Variants in ADGRG4 observed in about 807,000 individuals in gnomAD.
ADGRG4 encodes the protein adhesion G protein-coupled receptor G4, also known as G protein-coupled receptor 112.
Under a neutral mutation model 126.2 loss-of-function variants are expected in ADGRG4, and 122 were observed. The ratio of observed to expected loss-of-function variants is 0.97; its 90% CI spans 0.83 to 1.12. The LOEUF (loss-of-function observed/expected upper bound fraction) is 1.12, where lower values mean the gene tolerates loss of function less well. Among genes scored for constraint, ADGRG4 ranks in the 50% most tolerant of loss-of-function variants. ADGRG4 has a pLI of 0.00. For synonymous variants in ADGRG4, 943 were observed against 838.7 expected (o/e 1.12, Z -2.15); for missense variants, 2,481 against 2,251.8 (o/e 1.10, Z -2.06).
chrX:136,306,796 T>C (rs1449213758), intron 3 of ADGRG4, among the ~76,000 whole-genome samples: 1 of 108,662 alleles, frequency 9.2e-6, no homozygotes, highest in African/African-American at 3.4e-5. Context: ...CTTACTGCAT[T>C]GTCTGTCTCC....
intron 3 of ADGRG4, among the ~76,000 whole-genome samples, chrX:136,307,006 G>C (rs946429328): frequency 8.9e-6 from 1 of 111,895 alleles, no homozygotes; most frequent in African/African-American, 3.2e-5. Flanking sequence ...GAGCCACCAT[G>C]CCCAGCCTTT....
At position 136,347,903 on chromosome X, in the gene ADGRG4, C is replaced by T; in HGVS notation, c.4197C>T (p.Asn1399=). Residue 1399 remains asparagine, a synonymous_variant, in exon 6 of 26, where the codon AAC becomes AAT. Coordinates refer to ENST00000394143, the MANE Select transcript of ADGRG4 (RefSeq NM_153834.4). ...YTPRTVEMIV[N]STYVTHSVSY... is the part of the protein sequence containing the mutation. ...CCAGGACTGTGGAAATGATAGTAAA[C>T]TCCACCTATGTGACTCACTCTGTCT... 1 of 1,210,067 alleles carries T rather than the reference C, an allele frequency of 8.3e-7. No individual in the cohort carries two copies. The highest frequency in any genetic ancestry group is 1.1e-6 in the Non-Finnish European group (1 of 893,867).
At chrX:136,301,323 T>G (rs1478410743) in intron 1 of ADGRG4, among the ~76,000 whole-genome samples, 1 of 112,558 alleles carries the variant, frequency 8.9e-6, no homozygotes, top group African/African-American at 3.2e-5. Flanking sequence ...TGATTTGCAT[T>G]TCTCTGATGG....
At chrX:136,369,963 A>C (rs756160103) in intron 13 of ADGRG4, among the ~76,000 whole-genome samples, 1 of 111,612 alleles carries the variant, frequency 9.0e-6, no homozygotes, top group African/African-American at 3.3e-5. Context: ...TTTGCAGGAA[A>C]AAAAAAGAGA....
chrX:136,411,196 T>C (rs972835932), intron 23 of ADGRG4, among the ~76,000 whole-genome samples: 1 of 111,751 alleles, frequency 8.9e-6, no homozygotes, highest in African/African-American at 3.3e-5. Flanking sequence ...ATTACAGACA[T>C]GTGCCACCAC....
intron 19 of ADGRG4, 41 bp downstream of exon 19, chrX:136,395,534 A>G (rs1039286403): frequency 6.4e-6 from 5 of 777,998 alleles, no homozygotes. Flanking sequence ...AAGTTTGACA[A>G]TTTTTATTAG....
chrX:136,370,890 G>C (rs2075188628), intron 13 of ADGRG4, among the ~76,000 whole-genome samples: 1 of 110,932 alleles, frequency 9.0e-6, no homozygotes, highest in Non-Finnish European at 1.9e-5. Flanking sequence ...GTCCATATTT[G>C]CTTTTTTTTT....
chrX:136,372,513 A>C (rs980323172), intron 14 of ADGRG4, among the ~76,000 whole-genome samples: 1 of 111,907 alleles, frequency 8.9e-6, no homozygotes, highest in African/African-American at 3.3e-5. Context: ...AAAACCACTC[A>C]GTGGCTTTCC....
In ADGRG4 at chrX:136,346,394, AT is replaced by A; in HGVS notation, c.2690del (p.Leu897TrpfsTer10). Reference protein sequence around the residue: ...FPDIEKLSTPLDNKTATTEVR... With the variant: ...FPDIEKLSTPXDNKTATTEVR... ...CTGATATAGAAAAGCTAAGTACCCC[AT>A]TGGATAATAAAACTGCAACAACTGA... On this transcript the variant is annotated frameshift_variant, in exon 6 of 26. Transcript: ENST00000394143. LOFTEE classifies it high-confidence loss of function. 1 of 1,210,473 alleles carries A rather than the reference AT, an allele frequency of 8.3e-7. No individual in the cohort carries two copies. The highest frequency in any genetic ancestry group is 1.7e-5 in the African/African-American group (1 of 57,812).
rs188159191 is a variant in ADGRG4, at chrX:136,335,904, T to C, written c.686-8488T>C. On this transcript the variant is annotated intron_variant, in intron 5 of 25. Transcript: ENST00000394143. ...TTGCTTATTTTTTTATTCTGCCTGCTTTGGATTTATCTTGGGGTTTTTTTT... is the reference window on the plus strand; with the variant it reads ...TTGCTTATTTTTTTATTCTGCCTGCCTTGGATTTATCTTGGGGTTTTTTTT... 2.2e-4 allele frequency among the ~76,000 whole-genome samples: 24 copies of C among 111,110 alleles called. No homozygotes were observed. In the East Asian group the frequency reaches 2.8e-3, roughly 13 times the overall value.
In ADGRG4 at chrX:136,359,577, T is replaced by C. The variant is rs1603296490; in HGVS notation, c.7144+122T>C. ...GGAGAGAAGTCATCTTTCTGTTTTTTTTTTCATATTCTTGGTACCCACTTG... is the reference window on the plus strand; with the variant it reads ...GGAGAGAAGTCATCTTTCTGTTTTTCTTTTCATATTCTTGGTACCCACTTG... On this transcript the variant is annotated intron_variant, in intron 11 of 25. Coordinates refer to ENST00000394143, the MANE Select transcript of ADGRG4 (RefSeq NM_153834.4). The C allele has an allele frequency of 8.9e-5, 50 of 563,196 alleles. 1 individual carries two copies. In the East Asian group the frequency reaches 1.9e-3, roughly 21 times the overall value. 46.4% of individuals were successfully genotyped at this position (563,196 alleles called of 1,213,427 possible). A position where few individuals can be genotyped will look rare whatever the true frequency, so the allele number is the denominator to read the frequency against.
chrX:136,405,635 T>C, intron 22 of ADGRG4, 57 bp from the exon 23 acceptor site: 1 of 945,735 alleles, frequency 1.1e-6, no homozygotes, highest in Non-Finnish European at 1.4e-6. Context: ...CTTCAGTCTC[T>C]GAGAAATAGG....
intron 15 of ADGRG4, among the ~76,000 whole-genome samples, chrX:136,386,803 G>T (rs1033824168): frequency 1.8e-5 from 2 of 112,226 alleles, no homozygotes; most frequent in African/African-American, 3.2e-5. Flanking sequence ...TCTCAAAAAT[G>T]TTCCAGTACT....
chrX:136,353,743 G>A (rs1003870723), intron 8 of ADGRG4, among the ~76,000 whole-genome samples: 1 of 112,098 alleles, frequency 8.9e-6, no homozygotes, highest in Admixed American at 9.5e-5. Flanking sequence ...GACAATGCAC[G>A]AGGATTTATA....
intron 13 of ADGRG4, 113 bp downstream of exon 13, chrX:136,363,708 G>A (rs1353841633): frequency 1.4e-5 from 7 of 512,234 alleles, no homozygotes; most frequent in South Asian, 3.0e-5. Context: ...TCTACCTTAC[G>A]ACAATCCAAT....
intron 15 of ADGRG4, among the ~76,000 whole-genome samples, chrX:136,375,508 T>C (rs1477414279): frequency 8.9e-6 from 1 of 112,494 alleles, no homozygotes. Context: ...ACCAGCTGTA[T>C]AAAAGTGTTT....
In ADGRG4 at chrX:136,345,131, C is replaced by T. The variant is rs2075005160; in HGVS notation, c.1425C>T (p.Ser475=). The stretch of plus-strand genomic sequence containing the variant: ...TCCCACCTGAGCCTGTGCTCATCTC[C>T]ACAGCTGCTCCAGTAGATTCTGTAT... The part of the protein sequence containing the change: ...SSFPPEPVLI[S]TAAPVDSVFP... The change falls in exon 6 of 26, where the codon TCC becomes TCT. Residue 475 remains serine, a synonymous_variant. Transcript: ENST00000394143. 8.3e-7 allele frequency: 1 copy of T among 1,211,205 alleles called. No homozygotes were observed. The highest frequency in any genetic ancestry group is 3.0e-5 in the East Asian group (1 of 33,833).
At position 136,347,677 on chromosome X, in the gene ADGRG4, C is replaced by A. The variant is rs139206268; in HGVS notation, c.3971C>A (p.Ser1324Tyr). The change falls in exon 6 of 26, where the codon TCT (serine) becomes TAT (tyrosine). Residue 1324 changes from serine (S) to tyrosine (Y), a missense_variant. Transcript: ENST00000394143. ...SPSEIPLGTP[S>Y]DGNLASSPTS... Reference sequence around the variant, plus strand: ...TCAGAGATTCCACTTGGGACTCCCTCTGATGGAAATTTGGCTTCATCTCCC... The same window carrying A: ...TCAGAGATTCCACTTGGGACTCCCTATGATGGAAATTTGGCTTCATCTCCC... 1.4e-4 allele frequency: 167 copies of A among 1,209,274 alleles called. No individual in the cohort carries two copies. In the African/African-American group the frequency reaches 2.5e-3, roughly 18 times the overall value.
At chrX:136,336,961 T>G (rs1162319562) in intron 5 of ADGRG4, among the ~76,000 whole-genome samples, 1 of 110,840 alleles carries the variant, frequency 9.0e-6, no homozygotes, top group Non-Finnish European at 1.9e-5. Flanking sequence ...TTCCTCACCT[T>G]TTAGATTTTT....
Sources: gnomAD v4.1 joint callset for allele counts (sites outside exome capture counted in the v4.1 genomes callset) on GRCh38, gnomAD v4.1.1 for gene constraint, MANE v1.5 for transcripts, NCBI Gene and HGNC (gene_info 2026-07-23, HGNC 2026-07-21) for gene names.